Variants in VGLL4 observed in about 807,000 individuals in gnomAD.
VGLL4 encodes transcription cofactor vestigial-like protein 4.
In VGLL4, 7 loss-of-function variants were observed where a neutral mutation model predicts 21.0. The observed-to-expected ratio is 0.33, with a 90% confidence interval of 0.19 to 0.63. The LOEUF (loss-of-function observed/expected upper bound fraction) is 0.63, where lower values mean the gene tolerates loss of function less well. Ranked by LOEUF, VGLL4 falls within the 20% of genes least tolerant of loss-of-function variation. The pLI is 0.78. For missense variants in VGLL4, 394 were observed against 425.7 expected (o/e 0.93, Z 0.66); for synonymous variants, 222 against 173.2 (o/e 1.28, Z -2.21).
At chr3:11,689,109 G>C (rs1381558947) in intron 2 of VGLL4, among the ~76,000 whole-genome samples, 1 of 152,094 alleles carries the variant, frequency 6.6e-6, no homozygotes, top group Admixed American at 6.5e-5. Flanking sequence ...TCAGCACAAT[G>C]AACAAATGTT....
At chr3:11,715,002 G>A (rs1446039884) in intron 1 of VGLL4, among the ~76,000 whole-genome samples, 1 of 152,068 alleles carries the variant, frequency 6.6e-6, no homozygotes, top group African/African-American at 2.4e-5. Context: ...AGGCACGGTG[G>A]CGGGCGCCTG....
At chr3:11,623,418 A>G (rs1049456583) in intron 1 of VGLL4, among the ~76,000 whole-genome samples, 3 of 152,164 alleles carry the variant, frequency 2.0e-5, no homozygotes, top group Non-Finnish European at 4.4e-5. Context: ...CGCTTATAGG[A>G]GAAGCTGGGC....
chr3:11,563,059 C>T (rs2073168113), intron 3 of VGLL4, among the ~76,000 whole-genome samples: 1 of 152,232 alleles, frequency 6.6e-6, no homozygotes, highest in Admixed American at 6.5e-5. Flanking sequence ...CGAAAACCAA[C>T]TGCAAGATTC....
intron 1 of VGLL4, among the ~76,000 whole-genome samples, chr3:11,635,458 G>T (rs1415563788): frequency 3.3e-5 from 5 of 152,192 alleles, no homozygotes; most frequent in African/African-American, 1.2e-4. Flanking sequence ...TTGCAGGCAG[G>T]GAAGCAACAT....
chr3:11,558,482 T>TTTTTTTAAGTACTGACTGTTCAA lies in VGLL4; in HGVS notation c.*51_*73dup. 1.4e-6 allele frequency: 2 copies of TTTTTTTAAGTACTGACTGTTCAA among 1,476,652 alleles called. No homozygotes were observed. The allele number at this position is 1,476,652 out of a possible 1,614,324, so 91.5% of individuals were successfully genotyped here. The stretch of plus-strand genomic sequence containing the variant: ...CCCCACCCCACCCCCATGATTTTTT[T>TTTTTTTAAGTACTGACTGTTCAA]TTTTTTAAGTACTGACTGTTCAAAG... On this transcript the variant is annotated 3_prime_UTR_variant, in exon 5 of 5. Transcript: ENST00000430365.
upstream of VGLL4, among the ~76,000 whole-genome samples, chr3:11,644,364 A>C (rs911784707): frequency 6.6e-6 from 1 of 151,940 alleles, no homozygotes; most frequent in Non-Finnish European, 1.5e-5. Flanking sequence ...TGGATATTTA[A>C]ATTTCTGATG....
At chr3:11,647,370 G>A (rs2075808286), upstream of VGLL4, among the ~76,000 whole-genome samples, 1 of 152,042 alleles carries the variant, frequency 6.6e-6, no homozygotes. Flanking sequence ...CTCTTGTCCT[G>A]TGAAATCTCC....
chr3:11,611,420 A>G (rs993773805), intron 1 of VGLL4, among the ~76,000 whole-genome samples: 9 of 152,178 alleles, frequency 5.9e-5, no homozygotes, highest in African/African-American at 2.2e-4. Flanking sequence ...CTGCCGGAGA[A>G]ATAAGCCCGC....
intron 2 of VGLL4, among the ~76,000 whole-genome samples, chr3:11,577,620 G>A (rs913428452): frequency 4.6e-5 from 7 of 152,112 alleles, no homozygotes; most frequent in Non-Finnish European, 7.4e-5. Context: ...TGGAAAGATT[G>A]GATGCTTTGT....
At chr3:11,570,852 G>A (rs920074594) in intron 2 of VGLL4, among the ~76,000 whole-genome samples, 10 of 152,140 alleles carry the variant, frequency 6.6e-5, no homozygotes, top group African/African-American at 2.2e-4. Context: ...CACACACACA[G>A]GAGTGAACTC....
At chr3:11,563,102 A>G (rs2073173155) in intron 3 of VGLL4, among the ~76,000 whole-genome samples, 1 of 152,232 alleles carries the variant, frequency 6.6e-6, no homozygotes, top group African/African-American at 2.4e-5. Context: ...GAAATAAATC[A>G]TCCAAGAACA....
chr3:11,589,186 G>C (rs1472821051), intron 2 of VGLL4, among the ~76,000 whole-genome samples: 1 of 152,190 alleles, frequency 6.6e-6, no homozygotes, highest in East Asian at 1.9e-4. Context: ...TGAATGCAGG[G>C]AGAGGATTCA....
intron 3 of VGLL4, among the ~76,000 whole-genome samples, chr3:11,561,828 G>A (rs188424015): frequency 3.6e-4 from 54 of 151,872 alleles, no homozygotes; most frequent in African/African-American, 1.1e-3. Context: ...AGGCTGCCCC[G>A]GGGGAGAGGG....
At chr3:11,658,579 T>A (rs900636957) in intron 2 of VGLL4, among the ~76,000 whole-genome samples, 2 of 140,908 alleles carry the variant, frequency 1.4e-5, no homozygotes, top group African/African-American at 5.6e-5. Context: ...AAGAGCCAGC[T>A]GACAATTTTA....
chr3:11,702,690 G>A lies in VGLL4; in HGVS notation c.64+281C>T, dbSNP rs539210363. On this transcript the variant is annotated intron_variant, in intron 2 of 5. Coordinates refer to the VGLL4 transcript ENST00000273038. ...TACCAGTACCCACACTTGAGTCCAC[G>A]AGTTTGAAACCAGCCTGGGCAACAC... The A allele has an allele frequency of 3.6e-5, 6 of 164,738 alleles. No individual in the cohort carries two copies. The South Asian group carries it at 6.7e-4, about 18-fold the overall frequency. The allele number at this position is 164,738 out of a possible 1,614,324, so 10.2% of individuals were successfully genotyped here.
chr3:11,564,216 T>C (rs2073310113), intron 3 of VGLL4, among the ~76,000 whole-genome samples: 2 of 152,232 alleles, frequency 1.3e-5, no homozygotes, highest in Admixed American at 6.5e-5. Flanking sequence ...AAGCAAGCTG[T>C]GTTTATTAAG....
intron 1 of VGLL4, among the ~76,000 whole-genome samples, chr3:11,619,621 T>G (rs1254489321): frequency 6.6e-6 from 1 of 152,134 alleles, no homozygotes; most frequent in Non-Finnish European, 1.5e-5. Flanking sequence ...TGCTTAAGAT[T>G]TTGGGGTTAG....
At chr3:11,581,578 C>A (rs1200132027) in intron 2 of VGLL4, among the ~76,000 whole-genome samples, 2 of 152,124 alleles carry the variant, frequency 1.3e-5, no homozygotes, top group African/African-American at 4.8e-5. Flanking sequence ...AATGACCGTA[C>A]AAGTTACTGA....
chr3:11,636,468 CTCTCTAACAGCCA>C (rs1395849391), intron 1 of VGLL4, among the ~76,000 whole-genome samples: 2 of 152,158 alleles, frequency 1.3e-5, no homozygotes, highest in East Asian at 3.9e-4. Flanking sequence ...AAACGTGCTG[CTCTCTAACAGCCA>C]TCTCTATACA....
Sources: gnomAD v4.1 joint callset for allele counts (sites outside exome capture counted in the v4.1 genomes callset) on GRCh38, gnomAD v4.1.1 for gene constraint, MANE v1.5 for transcripts, NCBI Gene and HGNC (gene_info 2026-07-23, HGNC 2026-07-21) for gene names.